The following TJP1 variants were observed in gnomAD, a reference collection of about 807,000 sequenced individuals.
The protein encoded by TJP1 is tight junction protein ZO-1.
In TJP1, 43 loss-of-function variants were observed where a neutral mutation model predicts 194.2. That is an observed-to-expected ratio of 0.22 (90% CI 0.17 to 0.29). The LOEUF is 0.29. Among genes scored for constraint, TJP1 ranks in the 10% least tolerant of loss-of-function variants. The pLI is 1.00. For missense variants in TJP1, 1,971 were observed against 2,185.7 expected (o/e 0.90, Z 1.96); for synonymous variants, 801 against 779.0 (o/e 1.03, Z -0.47).
At chr15:29,903,611 AT>A (rs1250864397) in intron 2 of TJP1, among the ~76,000 whole-genome samples, 1 of 151,904 alleles carries the variant, frequency 6.6e-6, no homozygotes. Flanking sequence ...CGCCCGGCTA[AT>A]TTTTTGTATT....
chr15:29,916,219 G>A (rs958685931), intron 2 of TJP1, among the ~76,000 whole-genome samples: 3 of 137,724 alleles, frequency 2.2e-5, no homozygotes, highest in Non-Finnish European at 4.6e-5. Flanking sequence ...CAGCCTGTGC[G>A]ACAAGAGCAA....
chr15:29,723,737 C>T (rs564213719), intron 18 of TJP1, among the ~76,000 whole-genome samples: 32 of 152,214 alleles, frequency 2.1e-4, no homozygotes, highest in Admixed American at 1.4e-3. Context: ...TAATGCTTTT[C>T]TTTTGTTAAG....
intron 2 of TJP1, among the ~76,000 whole-genome samples, chr15:29,872,686 CT>C (rs1445939426): frequency 1.3e-5 from 2 of 152,210 alleles, no homozygotes; most frequent in African/African-American, 4.8e-5. Context: ...TTAGAAGCAT[CT>C]ACTGCATTCA....
chr15:29,930,359 T>G (rs75016860), intron 2 of TJP1, among the ~76,000 whole-genome samples: 109 of 152,324 alleles, frequency 7.2e-4, no homozygotes, highest in African/African-American at 2.5e-3. Context: ...TTTTACAAAA[T>G]CTTAGGCAAC....
At chr15:29,821,895 G>A (rs1274787297) in intron 1 of TJP1, 107 bp downstream of exon 1, 7 of 1,048,694 alleles carry the variant, frequency 6.7e-6, no homozygotes, top group Non-Finnish European at 6.9e-6. Flanking sequence ...CGCCGCCCCG[G>A]GGCCCAGACA....
At chr15:29,699,843 G>GCACGTGTGTC (rs2140887086), downstream of TJP1, 1 of 162,194 alleles carries the variant, frequency 6.2e-6, no homozygotes, top group Admixed American at 6.4e-5. Flanking sequence ...ACACACAAAC[G>GCACGTGTGTC]CACGTGTGTC....
chr15:29,859,656 G>T (rs993258715), intron 2 of TJP1, among the ~76,000 whole-genome samples: 1 of 152,120 alleles, frequency 6.6e-6, no homozygotes, highest in Non-Finnish European at 1.5e-5. Flanking sequence ...GTGGCTGGAG[G>T]AAGTAAATAG....
intron 1 of TJP1, among the ~76,000 whole-genome samples, chr15:29,964,871 G>C (rs2056279246): frequency 6.6e-6 from 1 of 152,214 alleles, no homozygotes; most frequent in Non-Finnish European, 1.5e-5. Context: ...GAGGAAAAGA[G>C]AGTTCCTACA....
intron 8 of TJP1, among the ~76,000 whole-genome samples, chr15:29,745,667 C>T (rs1317452546): frequency 6.6e-6 from 1 of 152,158 alleles, no homozygotes; most frequent in Non-Finnish European, 1.5e-5. Context: ...TCTTTAAGGA[C>T]TTTAGAAATA....
intron 2 of TJP1, among the ~76,000 whole-genome samples, chr15:29,866,288 C>A (rs534292080): frequency 2.1e-4 from 32 of 152,334 alleles, no homozygotes; most frequent in Middle Eastern, 3.4e-3. Flanking sequence ...ACACATTTTT[C>A]CGTCACAAAT....
intron 2 of TJP1, among the ~76,000 whole-genome samples, chr15:29,949,467 C>CCAG (rs2055482484): frequency 8.0e-6 from 1 of 124,904 alleles, no homozygotes. Context: ...ACTTCCACCA[C>CCAG]CACCACCTCC....
chr15:29,764,683 C>T (rs1002329365), intron 5 of TJP1, among the ~76,000 whole-genome samples: 5 of 151,994 alleles, frequency 3.3e-5, no homozygotes, highest in African/African-American at 1.2e-4. Context: ...TGGGAATGGC[C>T]TGAGAAACTG....
intron 1 of TJP1, among the ~76,000 whole-genome samples, chr15:29,817,487 T>C (rs1321777312): frequency 6.6e-6 from 1 of 152,198 alleles, no homozygotes; most frequent in Non-Finnish European, 1.5e-5. Context: ...ACTGGGTATA[T>C]ACTCAAAGGA....
chr15:29,734,854 A>C (rs1295244142), intron 11 of TJP1, among the ~76,000 whole-genome samples: 1 of 152,108 alleles, frequency 6.6e-6, no homozygotes, highest in East Asian at 1.9e-4. Context: ...CTCTAATTTT[A>C]AAAAAACAGA....
At chr15:29,707,005 G>T (rs1013397515) in intron 25 of TJP1, among the ~76,000 whole-genome samples, 1 of 152,084 alleles carries the variant, frequency 6.6e-6, no homozygotes, top group Admixed American at 6.5e-5. Flanking sequence ...ACGGCTGACA[G>T]CATCTCAGAC....
chr15:29,905,964 C>T (rs1171743534), intron 2 of TJP1, among the ~76,000 whole-genome samples: 3 of 152,126 alleles, frequency 2.0e-5, no homozygotes, highest in Non-Finnish European at 4.4e-5. Flanking sequence ...TTGTCCAAAT[C>T]CATAGATTGC....
Position 29,822,111 on chromosome 15 carries a change from C to T in TJP1, c.-83G>A. On this transcript the variant is annotated 5_prime_UTR_variant, in exon 1 of 28. The change creates a premature stop within an existing upstream ORF in the 5' untranslated region. Transcript: ENST00000614355. Reference sequence around the variant, plus strand: ...CCCGCCCGCTCCTCACGCCACAGCCCAAATAAACATCTCCCGAGAGCGAGC... The same window carrying T: ...CCCGCCCGCTCCTCACGCCACAGCCTAAATAAACATCTCCCGAGAGCGAGC... 1 of 1,222,120 alleles carries T rather than the reference C, an allele frequency of 8.2e-7. No homozygotes were observed. The highest frequency in any genetic ancestry group is 1.0e-6 in the Non-Finnish European group (1 of 979,256). The allele number at this position is 1,222,120 out of a possible 1,614,324, so 75.7% of individuals were successfully genotyped here. A position where few individuals can be genotyped will look rare whatever the true frequency, so the allele number is the denominator to read the frequency against.
intron 2 of TJP1, among the ~76,000 whole-genome samples, chr15:29,842,445 AT>A (rs2051258479): frequency 3.4e-3 from 1 of 298 alleles, no homozygotes; most frequent in South Asian, 0.17. Context: ...ACAGTATGCC[AT>A]CCCCCACCGC....
In TJP1 at chr15:29,718,124, TAAA is replaced by T. The variant is rs563006679; in HGVS notation, c.3877-9_3877-7del. The T allele has an allele frequency of 1.9e-3, 2,700 of 1,411,168 alleles. No individual in the cohort carries two copies. The highest frequency in any genetic ancestry group is 2.4e-3 in the Admixed American group (106 of 43,282). 87.4% of individuals were successfully genotyped at this position (1,411,168 alleles called of 1,614,324 possible). ...TTAGATGCTACTTCTGGAGGCTGTT[TAAA>T]AAAAAAAAAAAAAAAAAGACAAATA... is the stretch of plus-strand genomic sequence containing the variant. On this transcript the variant is annotated splice_polypyrimidine_tract_variant and splice_region_variant and intron_variant, in intron 21 of 27. Transcript: ENST00000614355.
Sources: gnomAD v4.1 joint callset for allele counts (sites outside exome capture counted in the v4.1 genomes callset) on GRCh38, gnomAD v4.1.1 for gene constraint, MANE v1.5 for transcripts, NCBI Gene and HGNC (gene_info 2026-07-23, HGNC 2026-07-21) for gene names.